Variants in RTP5 observed in about 807,000 individuals in gnomAD.
RTP5 encodes receptor-transporting protein 5.
In RTP5, 30 loss-of-function variants were observed where a neutral mutation model predicts 23.5. That is an observed-to-expected ratio of 1.27 (90% CI 0.95 to 1.73). The LOEUF is 1.73. Among genes scored for constraint, RTP5 ranks in the 40% most tolerant of loss-of-function variants. The probability of loss-of-function intolerance (pLI) is 0.00; values close to 1 mark genes in which losing one functional copy is unlikely to be tolerated. For synonymous variants in RTP5, 354 were observed against 342.1 expected (o/e 1.03, Z -0.38); for missense variants, 807 against 784.2 (o/e 1.03, Z -0.35).
At position 241,873,169 on chromosome 2, in the gene RTP5, C is replaced by A. The variant is rs747825272; in HGVS notation, c.1614C>A (p.Ala538=). The change falls in exon 2 of 2, where the codon GCC becomes GCA. Residue 538 remains alanine (A), a synonymous_variant. Transcript: ENST00000343216. ...RPGRACRRPH[A]EPYEDFWIWV... is the part of the protein sequence containing the mutation. Reference sequence around the variant, plus strand: ...GCCGTGCCTGCCGTAGGCCGCACGCCGAGCCCTACGAGGACTTCTGGATCT... The same window carrying A: ...GCCGTGCCTGCCGTAGGCCGCACGCAGAGCCCTACGAGGACTTCTGGATCT... 4 of 1,611,644 alleles carry A rather than the reference C, an allele frequency of 2.5e-6. No individual in the cohort carries two copies.
At chr2:241,870,867 G>C (rs1416974230) in intron 1 of RTP5, 2 of 458,830 alleles carry the variant, frequency 4.4e-6, no homozygotes, top group Non-Finnish European at 9.1e-6. Flanking sequence ...CAGCACGAAC[G>C]TGTCCACGGG....
chr2:241,873,395 C>A lies in RTP5; in HGVS notation c.*121C>A, dbSNP rs1331099916. The A allele has an allele frequency of 9.6e-6, 11 of 1,151,638 alleles. No homozygotes were observed. The highest frequency in any genetic ancestry group is 1.3e-5 in the Non-Finnish European group (11 of 846,338). 71.3% of individuals were successfully genotyped at this position (1,151,638 alleles called of 1,614,324 possible). A position where few individuals can be genotyped will look rare whatever the true frequency, so the allele number is the denominator to read the frequency against. The stretch of plus-strand genomic sequence containing the variant: ...GACCCCGCCTCCACCTCCGAGACCC[C>A]TTTCTCTGAGACCCCCGCCTCTGAG... On this transcript the variant is annotated 3_prime_UTR_variant, in exon 2 of 2. Coordinates refer to ENST00000343216, the MANE Select transcript of RTP5 (RefSeq NM_173821.3).
Position 241,871,695 on chromosome 2 carries a change from A to G in RTP5, c.159-19A>G, listed in dbSNP as rs199668034. On this transcript the variant is annotated intron_variant, in intron 1 of 1. Transcript: ENST00000343216. Reference sequence around the variant, plus strand: ...GCCTCTTTCTCCTGCACTCACACACACTTCTTTCCCCGCCGCAGGCTCCAG... The same window carrying G: ...GCCTCTTTCTCCTGCACTCACACACGCTTCTTTCCCCGCCGCAGGCTCCAG... 2.6e-5 allele frequency: 41 copies of G among 1,575,560 alleles called. No individual in the cohort carries two copies. The highest frequency in any genetic ancestry group is 3.4e-5 in the Non-Finnish European group (40 of 1,161,820).
chr2:241,871,973 T>C lies in RTP5; in HGVS notation c.418T>C (p.Tyr140His), dbSNP rs905056435. 2 of 1,592,138 alleles carry C rather than the reference T, an allele frequency of 1.3e-6. No homozygotes were observed. Among genetic ancestry groups the C allele is most frequent in the Non-Finnish European group, 1.7e-6 (2 of 1,168,956 alleles). Residue 140 changes from tyrosine to histidine, a missense_variant, in exon 2 of 2, where the codon TAT (tyrosine) becomes CAT (histidine). By Grantham distance (83) the Tyr-to-His change is moderately conservative. Transcript: ENST00000343216. Reference sequence around the variant, plus strand: ...CCCAGCCCGGCACCCCAGGGAGGCCTATGAGGGCTGCTGTGAGGCCTGTGA... The same window carrying C: ...CCCAGCCCGGCACCCCAGGGAGGCCCATGAGGGCTGCTGTGAGGCCTGTGA... Reference protein sequence around the residue: ...PGPARHPREAYEGCCEACELG... With the variant: ...PGPARHPREAHEGCCEACELG...
rs145602889 is a variant in RTP5 at position 241,871,357 on chromosome 2, C to T, written c.159-357C>T. On this transcript the variant is annotated intron_variant, in intron 1 of 1. Coordinates refer to ENST00000343216, the MANE Select transcript of RTP5 (RefSeq NM_173821.3). Reference sequence around the variant, plus strand: ...CAGGTGGCAGGCTGCCGACGCCTCACGGAGGCCAGGCTGGAGCGGGTTTTG... The same window carrying T: ...CAGGTGGCAGGCTGCCGACGCCTCATGGAGGCCAGGCTGGAGCGGGTTTTG... 5.3e-3 allele frequency among the ~76,000 whole-genome samples: 814 copies of T among 152,374 alleles called. 4 individuals carry two copies. The highest frequency in any genetic ancestry group is 0.01 in the Middle Eastern group (3 of 294).
chr2:241,871,645 G>A (rs1006183710), intron 1 of RTP5, 69 bp from the exon 2 acceptor site: 10 of 1,490,068 alleles, frequency 6.7e-6, no homozygotes, highest in Non-Finnish European at 8.9e-6. Flanking sequence ...AGGCCGCAGA[G>A]CAGAGTGCGA....
Position 241,872,650 on chromosome 2 carries a change from G to A in RTP5, c.1095G>A (p.Glu365=). Residue 365 remains glutamate, a synonymous_variant, in exon 2 of 2, where the codon GAG becomes GAA. Transcript: ENST00000343216. ...EPTDGPVATK[E]ASITFPFIFT... The stretch of plus-strand genomic sequence containing the variant: ...CCGATGGCCCTGTGGCCACTAAAGA[G>A]GCCTCCATCACCTTCCCCTTCATCT... The A allele has an allele frequency of 1.3e-6, 2 of 1,586,504 alleles. No homozygotes were observed. The highest frequency in any genetic ancestry group is 1.7e-6 in the Non-Finnish European group (2 of 1,166,442).
chr2:241,872,105 A>G lies in RTP5; in HGVS notation c.550A>G (p.Arg184Gly), dbSNP rs772230821. Residue 184 changes from arginine (R) to glycine (G), a missense_variant, in exon 2 of 2, where the codon AGG (arginine) becomes GGG (glycine). Physicochemically the swap from Arg to Gly is moderately radical, Grantham distance 125. Coordinates refer to ENST00000343216, the MANE Select transcript of RTP5 (RefSeq NM_173821.3). Reference sequence around the variant, plus strand: ...CTGGGGTGGCACTGGCACCGTCTCCAGGGGCAAACCGCTGTCCACCCCTGG... The same window carrying G: ...CTGGGGTGGCACTGGCACCGTCTCCGGGGGCAAACCGCTGTCCACCCCTGG... The part of the protein sequence containing the change: ...TAWGGTGTVS[R>G]GKPLSTPGDD... 5 of 1,597,614 alleles carry G rather than the reference A, an allele frequency of 3.1e-6. No homozygotes were observed. The African/African-American group carries it at 6.7e-5, about 21-fold the overall frequency.
In RTP5 at chr2:241,872,985, C is replaced by T. The variant is rs2124890338; in HGVS notation, c.1430C>T (p.Ala477Val). The T allele has an allele frequency of 1.2e-6, 2 of 1,613,198 alleles. No individual in the cohort carries two copies. The highest frequency in any genetic ancestry group is 8.5e-7 in the Non-Finnish European group (1 of 1,180,020). The stretch of plus-strand genomic sequence containing the variant: ...GAGGGCTGCATCACCATCCCCTTCG[C>T]AGTCTTCGATGTCATAAAGCGCAAG... ...VSEGCITIPF[A>V]VFDVIKRKGG... Residue 477 changes from alanine to valine, a missense_variant, in exon 2 of 2, where the codon GCA becomes GTA. Physicochemically the swap from Ala to Val is moderately conservative, Grantham distance 64. Transcript: ENST00000343216.
At chr2:241,870,499 G>A (rs909294385) in intron 1 of RTP5, among the ~76,000 whole-genome samples, 7 of 152,236 alleles carry the variant, frequency 4.6e-5, no homozygotes, top group African/African-American at 4.8e-5. Flanking sequence ...CCACATCCTC[G>A]CAGATGCCCG....
chr2:241,871,784 G>A lies in RTP5; in HGVS notation c.229G>A (p.Asp77Asn). The A allele has an allele frequency of 6.3e-7, 1 of 1,589,330 alleles. No individual in the cohort carries two copies. Among genetic ancestry groups the A allele is most frequent in the South Asian group, 1.1e-5 (1 of 87,606 alleles). Residue 77 changes from aspartate (D) to asparagine (N), a missense_variant, in exon 2 of 2, where the codon GAC becomes AAC. Transcript: ENST00000343216. ...GCACGTCCTCTTCCACCTGTGGTGG[G>A]ACAGGGCCAGCCACCGGGGGCTGGT... ...HVHVLFHLWWDRASHRGLVKM... is the reference protein window; with the variant it reads ...HVHVLFHLWWNRASHRGLVKM...
In RTP5 at chr2:241,872,299, G is replaced by T; in HGVS notation, c.744G>T (p.Leu248=). Residue 248 remains leucine, a synonymous_variant, in exon 2 of 2, where the codon CTG becomes CTT. Coordinates refer to ENST00000343216, the MANE Select transcript of RTP5 (RefSeq NM_173821.3). ...TCATCGGCCAGGGCTCCATCTTCCT[G>T]TCTGGGGATTCAGTGGCCATGCCTG... ...ALVIGQGSIF[L]SGDSVAMPGG... 1 of 1,601,158 alleles carries T rather than the reference G, an allele frequency of 6.2e-7. No homozygotes were observed. The highest frequency in any genetic ancestry group is 8.5e-7 in the Non-Finnish European group (1 of 1,172,996).
At position 241,873,521 on chromosome 2, in the gene RTP5, G is replaced by A. The variant is rs1266619014; in HGVS notation, c.*247G>A. ...CCTTTGAGATGCCCGCCCCGCCTCC[G>A]TGGCCCCGCCTCCACCTCCGAGACC... On this transcript the variant is annotated 3_prime_UTR_variant, in exon 2 of 2. Coordinates refer to ENST00000343216, the MANE Select transcript of RTP5 (RefSeq NM_173821.3). 6.2e-5 allele frequency: 15 copies of A among 243,810 alleles called. No homozygotes were observed. The highest frequency in any genetic ancestry group is 7.3e-5 in the African/African-American group (1 of 13,768). 15.1% of individuals were successfully genotyped at this position (243,810 alleles called of 1,614,324 possible). A position where few individuals can be genotyped will look rare whatever the true frequency, so the allele number is the denominator to read the frequency against.
chr2:241,872,036 G>C lies in RTP5; in HGVS notation c.481G>C (p.Ala161Pro). 2 of 1,563,484 alleles carry C rather than the reference G, an allele frequency of 1.3e-6. No homozygotes were observed. Among genetic ancestry groups the C allele is most frequent in the Non-Finnish European group, 1.7e-6 (2 of 1,149,568 alleles). The change falls in exon 2 of 2, where the codon GCC becomes CCC. Residue 161 changes from alanine to proline, a missense_variant. Coordinates refer to ENST00000343216, the MANE Select transcript of RTP5 (RefSeq NM_173821.3). ...CTTCCTCCAGAAGGCCCCAGACCCCGCCTGGAGCGCCAACGCCACAAAAGG... is the reference window on the plus strand; with the variant it reads ...CTTCCTCCAGAAGGCCCCAGACCCCCCCTGGAGCGCCAACGCCACAAAAGG... ...VCFLQKAPDP[A>P]WSANATKGNF...
rs1457903612 is a variant in RTP5 at position 241,873,446 on chromosome 2, CGCCCT to C, written c.*176_*180del. 5.6e-6 allele frequency: 3 copies of C among 537,376 alleles called. No individual in the cohort carries two copies. Among genetic ancestry groups the C allele is most frequent in the Admixed American group, 4.2e-5 (1 of 23,966 alleles). The allele number at this position is 537,376 out of a possible 1,614,324, so 33.3% of individuals were successfully genotyped here. On this transcript the variant is annotated 3_prime_UTR_variant, in exon 2 of 2. Coordinates refer to ENST00000343216, the MANE Select transcript of RTP5 (RefSeq NM_173821.3). ...GCCCCGCCCCCCGCCTCCGAGACCC[CGCCCT>C]GCCTCTGAGACCCCGCCTCACCTCT...
rs1454019817 is a variant in RTP5 at position 241,872,473 on chromosome 2, G to A, written c.918G>A (p.Trp306Ter). ...LCSPVGVAQG[W>*]GPISLNNGLV... ...GCCCGGTTGGCGTGGCCCAGGGCTG[G>A]GGCCCCATCTCCCTCAACAATGGCC... Residue 306 changes from tryptophan (W) to a stop codon, truncating the protein, a stop_gained, in exon 2 of 2, where the codon TGG becomes TGA. Transcript: ENST00000343216. LOFTEE classifies it high-confidence loss of function. The A allele has an allele frequency of 6.3e-7, 1 of 1,598,382 alleles. No homozygotes were observed. The highest frequency in any genetic ancestry group is 1.1e-5 in the South Asian group (1 of 89,264).
rs1247623919 is a variant in RTP5 at position 241,872,566 on chromosome 2, C to T, written c.1011C>T (p.Gly337=). ...TGGGCCTCTCGGCCAGCGGGGAGGG[C>T]TCCCTCACCTTCCCCTCCTCCCTCA... ...YCVGLSASGE[G]SLTFPSSLTS... is the part of the protein sequence containing the mutation. Residue 337 remains glycine (G), a synonymous_variant, in exon 2 of 2, where the codon GGC becomes GGT. Coordinates refer to ENST00000343216, the MANE Select transcript of RTP5 (RefSeq NM_173821.3). 2.6e-6 allele frequency: 4 copies of T among 1,538,976 alleles called. No individual in the cohort carries two copies. The highest frequency in any genetic ancestry group is 3.5e-6 in the Non-Finnish European group (4 of 1,143,052).
chr2:241,871,992 C>T lies in RTP5; in HGVS notation c.437C>T (p.Ala146Val). The T allele has an allele frequency of 6.3e-7, 1 of 1,585,120 alleles. No individual in the cohort carries two copies. The highest frequency in any genetic ancestry group is 1.3e-5 in the African/African-American group (1 of 74,536). The change falls in exon 2 of 2, where the codon GCC becomes GTC. Residue 146 changes from alanine to valine, a missense_variant. Coordinates refer to ENST00000343216, the MANE Select transcript of RTP5 (RefSeq NM_173821.3). ...PREAYEGCCEACELGVCFLQK... is the reference protein window; with the variant it reads ...PREAYEGCCEVCELGVCFLQK... ...GAGGCCTATGAGGGCTGCTGTGAGG[C>T]CTGTGAGCTGGGGGTCTGCTTCCTC... is the stretch of plus-strand genomic sequence containing the variant.
intron 1 of RTP5, among the ~76,000 whole-genome samples, chr2:241,870,676 G>A (rs1306998101): frequency 1.3e-5 from 2 of 152,228 alleles, no homozygotes; most frequent in Admixed American, 6.5e-5. Flanking sequence ...GTAATAACCC[G>A]TGTTGGGGTC....
Sources: allele counts gnomAD v4.1 joint callset (sites outside exome capture counted in the v4.1 genomes callset), GRCh38; gene constraint gnomAD v4.1.1; transcripts MANE v1.5; gene names NCBI Gene and HGNC (gene_info 2026-07-23, HGNC 2026-07-21).